Variants in DDAH1 observed in about 807,000 individuals in gnomAD.
DDAH1 encodes N(G),N(G)-dimethylarginine dimethylaminohydrolase 1.
DDAH1 carries 19 observed loss-of-function variants against 28.8 expected under a neutral mutation model. That is an observed-to-expected ratio of 0.66 (90% CI 0.46 to 0.97). The LOEUF (loss-of-function observed/expected upper bound fraction) is 0.97. Among genes scored for constraint, DDAH1 ranks in the 50% least tolerant of loss-of-function variants. DDAH1 has a pLI of 0.00. For synonymous variants in DDAH1, 153 were observed against 154.4 expected, an observed-to-expected ratio of 0.99 and a Z score of 0.07; for missense variants, 326 against 375.9, an observed-to-expected ratio of 0.87 and a Z score of 1.10.
At chr1:85,365,339 CTATT>C (rs1459612087) in intron 1 of DDAH1, among the ~76,000 whole-genome samples, 1 of 152,164 alleles carries the variant, frequency 6.6e-6, no homozygotes, top group Admixed American at 6.5e-5. Context: ...ATTATGTTCA[CTATT>C]ATTTATTTAT....
chr1:85,429,522 T>C (rs1471611412), intron 1 of DDAH1, among the ~76,000 whole-genome samples: 2 of 152,204 alleles, frequency 1.3e-5, no homozygotes, highest in African/African-American at 2.4e-5. Flanking sequence ...ATCCTTTGGG[T>C]ATATACCCAG....
At chr1:85,452,157 A>G (rs995587400) in intron 1 of DDAH1, among the ~76,000 whole-genome samples, 1 of 152,220 alleles carries the variant, frequency 6.6e-6, no homozygotes, top group Non-Finnish European at 1.5e-5. Context: ...CAGTGCCCTG[A>G]GATCAAACAG....
chr1:85,551,855 C>T (rs7536864), intron 1 of DDAH1, among the ~76,000 whole-genome samples: 5,989 of 152,200 alleles, frequency 0.039, 352 homozygotes, highest in African/African-American at 0.13. Flanking sequence ...TAGAGCATGG[C>T]ATGCTCAGGG....
intron 1 of DDAH1, among the ~76,000 whole-genome samples, chr1:85,520,511 T>C (rs530796129): frequency 2.0e-5 from 3 of 152,220 alleles, no homozygotes; most frequent in Non-Finnish European, 4.4e-5. Flanking sequence ...AATATGTACA[T>C]GAAATGTTTA....
chr1:85,395,667 C>T (rs1198482090), intron 1 of DDAH1, among the ~76,000 whole-genome samples: 2 of 100,570 alleles, frequency 2.0e-5, no homozygotes, highest in Non-Finnish European at 4.2e-5. Context: ...AGTGAGACTC[C>T]ATCTCAAAAA....
chr1:85,525,576 C>CACACACAT (rs1231554576), intron 1 of DDAH1, among the ~76,000 whole-genome samples: 1 of 151,908 alleles, frequency 6.6e-6, no homozygotes, highest in Non-Finnish European at 1.5e-5. Context: ...TTCACACACA[C>CACACACAT]ACACACACAC....
chr1:85,520,895 T>A (rs1489462095), intron 1 of DDAH1, among the ~76,000 whole-genome samples: 1 of 152,240 alleles, frequency 6.6e-6, no homozygotes, highest in African/African-American at 2.4e-5. Context: ...TTCTTCCTTA[T>A]ACATTCGCTG....
At chr1:85,392,429 AC>A (rs1186852740) in intron 1 of DDAH1, among the ~76,000 whole-genome samples, 1 of 152,178 alleles carries the variant, frequency 6.6e-6, no homozygotes, top group Non-Finnish European at 1.5e-5. Flanking sequence ...AGGGGTTAGG[AC>A]TTCAACATAC....
chr1:85,380,846 T>C (rs919642953), intron 1 of DDAH1, among the ~76,000 whole-genome samples: 2 of 152,198 alleles, frequency 1.3e-5, no homozygotes, highest in Non-Finnish European at 2.9e-5. Flanking sequence ...TTATGAAATA[T>C]GGTTGACATA....
Position 85,350,516 on chromosome 1 carries a change from C to T in DDAH1, c.496G>A (p.Val166Met). The change falls in exon 4 of 6, where the codon GTG becomes ATG. Residue 166 changes from valine to methionine, a missense_variant. Val to Met is a conservative substitution (Grantham distance 21, BLOSUM62 1). Transcript: ENST00000284031. ...AAATGCAACCCATCTGCCACTGGCA[C>T]TGTGGAGACTGCATAGTCCTACGTG... ...DTFKDYAVST[V>M]PVADGLHLKS... 2 of 1,614,124 alleles carry T rather than the reference C, an allele frequency of 1.2e-6. No individual in the cohort carries two copies. The highest frequency in any genetic ancestry group is 1.7e-6 in the Non-Finnish European group (2 of 1,179,982).
chr1:85,570,720 G>A (rs1298982188), intron 1 of DDAH1, among the ~76,000 whole-genome samples: 1 of 152,186 alleles, frequency 6.6e-6, no homozygotes, highest in Non-Finnish European at 1.5e-5. Flanking sequence ...GATGGTGACA[G>A]GAATGTTCAC....
At chr1:85,412,154 T>C (rs1652680392) in intron 1 of DDAH1, among the ~76,000 whole-genome samples, 1 of 152,260 alleles carries the variant, frequency 6.6e-6, no homozygotes, top group African/African-American at 2.4e-5. Flanking sequence ...GGTTTTGTTT[T>C]AAGGCCTGCA....
chr1:85,420,027 C>T (rs1653069486), intron 1 of DDAH1, among the ~76,000 whole-genome samples: 1 of 152,190 alleles, frequency 6.6e-6, no homozygotes, highest in East Asian at 1.9e-4. Flanking sequence ...TATCAACCCT[C>T]TGGAGCTGTG....
intron 1 of DDAH1, among the ~76,000 whole-genome samples, chr1:85,555,265 A>G (rs1412273258): frequency 3.9e-5 from 6 of 152,240 alleles, no homozygotes. Flanking sequence ...TGACAACCAC[A>G]GGATTTAAGG....
chr1:85,435,964 G>T (rs2056563), intron 1 of DDAH1, among the ~76,000 whole-genome samples: 140,947 of 150,916 alleles, frequency 0.93, 66,002 homozygotes, highest in Admixed American at 0.97. Flanking sequence ...CTAATTTTGT[G>T]TGTGTGTGTG....
chr1:85,562,745 G>A (rs1659174689), intron 1 of DDAH1, among the ~76,000 whole-genome samples: 1 of 152,176 alleles, frequency 6.6e-6, no homozygotes, highest in Non-Finnish European at 1.5e-5. Context: ...ATTGAAGGTA[G>A]CATGGCCCTG....
chr1:85,387,364 T>C (rs1651327556), intron 1 of DDAH1, among the ~76,000 whole-genome samples: 1 of 152,232 alleles, frequency 6.6e-6, no homozygotes, highest in African/African-American at 2.4e-5. Flanking sequence ...ACACCACTTC[T>C]TGAGTGCTTT....
At chr1:85,410,408 G>A (rs1652596089) in intron 1 of DDAH1, among the ~76,000 whole-genome samples, 1 of 152,250 alleles carries the variant, frequency 6.6e-6, no homozygotes. Flanking sequence ...GGGAGGCTGA[G>A]GCGGGTGGAT....
chr1:85,452,669 A>T (rs1428065727), intron 1 of DDAH1, among the ~76,000 whole-genome samples: 3 of 152,188 alleles, frequency 2.0e-5, no homozygotes, highest in Non-Finnish European at 4.4e-5. Flanking sequence ...GCTCCCCTAA[A>T]AAAGGAAGGT....
Sources: gnomAD v4.1 joint callset for allele counts (sites outside exome capture counted in the v4.1 genomes callset) on GRCh38, gnomAD v4.1.1 for gene constraint, MANE v1.5 for transcripts, NCBI Gene and HGNC (gene_info 2026-07-23, HGNC 2026-07-21) for gene names.